Variants in TEX14 observed in about 807,000 individuals in gnomAD.
TEX14 encodes inactive serine/threonine-protein kinase TEX14.
Under a neutral mutation model 178.6 loss-of-function variants are expected in TEX14, and 168 were observed. The observed-to-expected ratio is 0.94, with a 90% CI of 0.83 to 1.07. The LOEUF is 1.07. Ranked by LOEUF, TEX14 falls within the 50% of genes least tolerant of loss-of-function variation. The probability of loss-of-function intolerance (pLI) is 0.00; values close to 1 mark genes in which losing one functional copy is unlikely to be tolerated. For missense variants in TEX14, 1,730 were observed against 1,753.6 expected, an observed-to-expected ratio of 0.99 and a Z score of 0.24; for synonymous variants, 626 against 634.1, an observed-to-expected ratio of 0.99 and a Z score of 0.19.
chr17:58,581,868 C>G lies in TEX14; in HGVS notation c.3172-2137G>C, dbSNP rs1031749535. The G allele has an allele frequency of 2.5e-5, 23 of 921,060 alleles. No homozygotes were observed. The African/African-American group carries it at 3.7e-4, about 15-fold the overall frequency. The allele number at this position is 921,060 out of a possible 1,614,324, so 57.1% of individuals were successfully genotyped here. Reference sequence around the variant, plus strand: ...GTGACACTGAGCTGACTCTCCCTACCTCTTTGTGCATGTGCCTCTGCCTTC... The same window carrying G: ...GTGACACTGAGCTGACTCTCCCTACGTCTTTGTGCATGTGCCTCTGCCTTC... On this transcript the variant is annotated intron_variant, in intron 19 of 31. Transcript: ENST00000349033.
intron 1 of TEX14, among the ~76,000 whole-genome samples, chr17:58,652,765 A>G (rs2046866695): frequency 6.6e-6 from 1 of 152,234 alleles, no homozygotes; most frequent in Non-Finnish European, 1.5e-5. Context: ...AAATGCAGTC[A>G]TTATGTAAAG....
At chr17:58,624,088 C>A (rs910623729) in intron 3 of TEX14, among the ~76,000 whole-genome samples, 3 of 152,098 alleles carry the variant, frequency 2.0e-5, no homozygotes, top group African/African-American at 4.8e-5. Context: ...TCGAGGCCAT[C>A]CTGGCTAACG....
intron 15 of TEX14, among the ~76,000 whole-genome samples, chr17:58,590,078 T>C (rs1460684686): frequency 1.3e-5 from 2 of 151,762 alleles, no homozygotes; most frequent in African/African-American, 4.8e-5. Flanking sequence ...CTGGACAACA[T>C]GGTGAAATCT....
chr17:58,626,136 C>G (rs1482773982), intron 3 of TEX14, among the ~76,000 whole-genome samples: 4 of 152,296 alleles, frequency 2.6e-5, no homozygotes, highest in Non-Finnish European at 4.4e-5. Context: ...TTCCTGCCCC[C>G]CTTTCCTGCC....
intron 16 of TEX14, 58 bp downstream of exon 16, chr17:58,587,838 C>A: frequency 7.3e-7 from 1 of 1,374,890 alleles, no homozygotes. Flanking sequence ...GCAGAGGGTG[C>A]CAGAACCCAC....
chr17:58,687,282 A>G (rs1341768715), intron 1 of TEX14, among the ~76,000 whole-genome samples: 1 of 151,784 alleles, frequency 6.6e-6, no homozygotes, highest in Non-Finnish European at 1.5e-5. Flanking sequence ...CTCCCTTCTC[A>G]CTATCTCTTT....
intron 14 of TEX14, 56 bp from the exon 15 acceptor site, chr17:58,593,717 C>G: frequency 7.4e-7 from 1 of 1,359,176 alleles, no homozygotes; most frequent in Non-Finnish European, 1.1e-6. Context: ...CCACTCTCTT[C>G]ACTGTCACAC....
rs371304906 is a variant in TEX14 at position 58,599,522 on chromosome 17, C to T, written c.1823G>A (p.Ser608Asn). ...GCTTGGCTGACCTGTGCTGGGGCTG[C>T]TGGCCTCTTCTGCCATAAATGGAGC... ...CPAPFMAEEASSPSTGQPSLC... is the reference protein window; with the variant it reads ...CPAPFMAEEANSPSTGQPSLC... Residue 608 changes from serine (S) to asparagine (N), a missense_variant, in exon 14 of 32, where the codon AGC (serine) becomes AAC (asparagine). Ser to Asn is a conservative substitution (Grantham distance 46, BLOSUM62 1). Around this residue, in one of 2 missense-constraint regions of TEX14, gnomAD observed 941 missense variants for 1,072.4 expected, o/e 0.88. Transcript: ENST00000349033. 144 of 1,613,910 alleles carry T rather than the reference C, an allele frequency of 8.9e-5. No individual in the cohort carries two copies. Among genetic ancestry groups the T allele is most frequent in the Non-Finnish European group, 1.2e-4 (141 of 1,179,998 alleles).
At chr17:58,628,783 G>T (rs566890259) in intron 3 of TEX14, among the ~76,000 whole-genome samples, 1 of 151,278 alleles carries the variant, frequency 6.6e-6, no homozygotes, top group East Asian at 1.9e-4. Flanking sequence ...TACTTGGAAG[G>T]CTGAGGCAGA....
rs116322319 is a variant in TEX14 at position 58,601,868 on chromosome 17, C to G, written c.1616G>C (p.Gly539Ala). The G allele has an allele frequency of 5.9e-5, 95 of 1,613,242 alleles. No individual in the cohort carries two copies. Among genetic ancestry groups the G allele is most frequent in the Middle Eastern group, 1.8e-4 (1 of 5,538 alleles). The change falls in exon 13 of 32, where the codon GGA becomes GCA. Residue 539 changes from glycine to alanine, a missense_variant. Around this residue, in one of 2 missense-constraint regions of TEX14, gnomAD observed 789 missense variants for 681.2 expected, o/e 1.16. Transcript: ENST00000349033. ...GLHPDVNVYL[G>A]LTSEHPRETP... ...CTCTCTGGGGTGTTCTGAAGTCAGTCCTAGATAGACATTGACATCGGGATG... is the reference window on the plus strand; with the variant it reads ...CTCTCTGGGGTGTTCTGAAGTCAGTGCTAGATAGACATTGACATCGGGATG...
At chr17:58,599,720 T>C (rs1374176854) in intron 13 of TEX14, 54 bp from the exon 14 acceptor site, 2 of 1,445,282 alleles carry the variant, frequency 1.4e-6, no homozygotes, top group African/African-American at 2.8e-5. Flanking sequence ...ATTTGGCAGC[T>C]AAGCAGCCTT....
intron 14 of TEX14, among the ~76,000 whole-genome samples, chr17:58,597,977 T>C (rs1393145479): frequency 6.6e-6 from 1 of 152,092 alleles, no homozygotes; most frequent in Admixed American, 6.6e-5. Flanking sequence ...AGCTGTTATC[T>C]GAGCTACTTA....
intron 15 of TEX14, among the ~76,000 whole-genome samples, chr17:58,590,534 T>TTTGTTGTTGTTGTTGTTG (rs76273680): frequency 6.7e-6 from 1 of 149,328 alleles, no homozygotes; most frequent in South Asian, 2.2e-4. Context: ...TCCAACTATT[T>TTTGTTGTTGTTGTTGTTG]TTGTTGTTGT....
chr17:58,631,931 T>C (rs755359715), intron 2 of TEX14: 18 of 152,252 alleles, frequency 1.2e-4, no homozygotes, highest in African/African-American at 4.3e-4. Flanking sequence ...CTCGAAAATA[T>C]TACTATGTGT....
At chr17:58,600,648 T>C (rs1487282781) in intron 13 of TEX14, among the ~76,000 whole-genome samples, 1 of 151,872 alleles carries the variant, frequency 6.6e-6, no homozygotes, top group African/African-American at 2.4e-5. Context: ...ATGCTAGGAT[T>C]GACCACCCAC....
intron 1 of TEX14, among the ~76,000 whole-genome samples, chr17:58,656,448 A>T (rs1378158664): frequency 6.6e-6 from 1 of 151,268 alleles, no homozygotes; most frequent in African/African-American, 2.4e-5. Flanking sequence ...CTGTCTCAAA[A>T]AAACAAAACA....
chr17:58,623,148 G>A lies in TEX14; in HGVS notation c.252-136C>T, dbSNP rs2144552998. On this transcript the variant is annotated intron_variant, in intron 3 of 31. Coordinates refer to ENST00000349033, the MANE Select transcript of TEX14 (RefSeq NM_031272.5). ...CGAGGAATATAACAACATCATTTGT[G>A]AGGCCCCTGTCTGTGCCCACAGGAA... 4.5e-6 allele frequency: 3 copies of A among 662,434 alleles called. No homozygotes were observed. The South Asian group carries it at 6.3e-5, about 14-fold the overall frequency. The allele number at this position is 662,434 out of a possible 1,614,324, so 41.0% of individuals were successfully genotyped here.
intron 1 of TEX14, among the ~76,000 whole-genome samples, chr17:58,665,923 T>C (rs1598429972): frequency 6.6e-6 from 1 of 151,716 alleles, no homozygotes; most frequent in East Asian, 2.0e-4. Flanking sequence ...GGCGGGTGCC[T>C]GTATTCCCAG....
chr17:58,655,945 G>A (rs74901951), intron 1 of TEX14, among the ~76,000 whole-genome samples: 1,705 of 152,256 alleles, frequency 0.011, 36 homozygotes, highest in African/African-American at 0.039. Context: ...AACTCTTTGA[G>A]GGTCCTGTTA....
Sources: allele counts gnomAD v4.1 joint callset (sites outside exome capture counted in the v4.1 genomes callset), GRCh38; gene constraint gnomAD v4.1.1; regional missense constraint gnomAD v4.1.1; transcripts MANE v1.5; gene names NCBI Gene and HGNC (gene_info 2026-07-23, HGNC 2026-07-21).